Variants in EPN2 observed in about 807,000 individuals in gnomAD.
The protein encoded by EPN2 is epsin-2.
In EPN2, 34 loss-of-function variants were observed where a neutral mutation model predicts 61.7. That is an observed-to-expected ratio of 0.55 (90% CI 0.42 to 0.73). The LOEUF is 0.73. Ranked by LOEUF, EPN2 falls within the 30% of genes least tolerant of loss-of-function variation. The pLI is 0.00. For missense variants in EPN2, 714 were observed against 839.2 expected, an observed-to-expected ratio of 0.85 and a Z score of 1.84; for synonymous variants, 349 against 353.6, an observed-to-expected ratio of 0.99 and a Z score of 0.15.
intron 4 of EPN2, among the ~76,000 whole-genome samples, chr17:19,306,699 C>T (rs924731296): frequency 1.3e-5 from 2 of 152,226 alleles, no homozygotes; most frequent in African/African-American, 4.8e-5. Flanking sequence ...CCACTCTCCC[C>T]CTCCAACCTG....
At chr17:19,249,803 A>G (rs960611671) in intron 1 of EPN2, among the ~76,000 whole-genome samples, 1 of 152,118 alleles carries the variant, frequency 6.6e-6, no homozygotes, top group Non-Finnish European at 1.5e-5. Flanking sequence ...GAAGTCCGAC[A>G]CAGGTCTTAA....
chr17:19,295,502 A>G (rs1256313440), intron 4 of EPN2, among the ~76,000 whole-genome samples: 1 of 152,192 alleles, frequency 6.6e-6, no homozygotes, highest in African/African-American at 2.4e-5. Flanking sequence ...ATTAGACTCC[A>G]GCCTGGGTGA....
Position 19,267,555 on chromosome 17 carries a change from T to TA in EPN2, c.-293-14393dup, listed in dbSNP as rs752709512. Among the ~76,000 whole-genome samples, 150 of 149,870 alleles carry TA rather than the reference T, an allele frequency of 1.0e-3. 1 individual carries two copies. The highest frequency in any genetic ancestry group is 3.3e-3 in the African/African-American group (136 of 40,682). ...AGTAGAGCAGCTTTTTTTTTTTTTT[T>TA]AAAAAAAGACAGAGTTCCACTCTGT... On this transcript the variant is annotated intron_variant, in intron 1 of 10. Transcript: ENST00000314728.
At chr17:19,310,024 G>A (rs752464516) in intron 5 of EPN2, 27 bp downstream of exon 5, 2 of 1,476,254 alleles carry the variant, frequency 1.4e-6, no homozygotes, top group African/African-American at 2.7e-5. Flanking sequence ...GGTCTGCACT[G>A]CATTGACTGC....
chr17:19,329,420 T>C, intron 8 of EPN2, 141 bp from the exon 9 acceptor site: 1 of 615,772 alleles, frequency 1.6e-6, no homozygotes, highest in Non-Finnish European at 2.9e-6. Context: ...CCTCTTTGGC[T>C]CTCAGAATTC....
rs766036876 is a variant in EPN2 at position 19,328,916 on chromosome 17, C to A, written c.1324+29C>A. 38 of 1,588,188 alleles carry A rather than the reference C, an allele frequency of 2.4e-5. No individual in the cohort carries two copies. The East Asian group carries it at 8.6e-4, about 36-fold the overall frequency. On this transcript the variant is annotated intron_variant, in intron 8 of 10. Transcript: ENST00000314728. ...AGCCCCTCACTCACCCACTTTCCTG[C>A]CTGGCCTCTGAGCGCCCACGGGCCC...
intron 4 of EPN2, among the ~76,000 whole-genome samples, chr17:19,309,388 CA>C (rs1223672397): frequency 1.3e-5 from 2 of 152,226 alleles, no homozygotes; most frequent in Non-Finnish European, 2.9e-5. Flanking sequence ...CTCGGCCTCC[CA>C]AAGTGTGAGG....
Position 19,285,681 on chromosome 17 carries a change from G to A in EPN2, c.657G>A (p.Glu219=). The part of the protein sequence containing the change: ...RTGAPLGQSE[E]LQPLSQRHPF... ...GGGCCCCGCTGGGTCAGAGTGAGGA[G>A]CTGCAGCCACTGAGCCAGCGCCACC... The change falls in exon 4 of 11, where the codon GAG becomes GAA. Residue 219 remains glutamate (E), a synonymous_variant. Transcript: ENST00000314728. This position sits in a 1 kb window ranked among gnomAD's most constrained non-coding sequence, Gnocchi z 4.5. The A allele has an allele frequency of 1.3e-6, 2 of 1,583,354 alleles. No homozygotes were observed. Among genetic ancestry groups the A allele is most frequent in the Non-Finnish European group, 1.7e-6 (2 of 1,165,898 alleles).
chr17:19,279,464 A>G (rs1169792750), intron 1 of EPN2, among the ~76,000 whole-genome samples: 31 of 150,142 alleles, frequency 2.1e-4, no homozygotes, highest in Non-Finnish European at 3.8e-4. Flanking sequence ...TTTGAGACAG[A>G]GTCTCACTGT....
chr17:19,262,239 G>A (rs1335366522), intron 1 of EPN2, among the ~76,000 whole-genome samples: 2 of 151,902 alleles, frequency 1.3e-5, no homozygotes, highest in African/African-American at 4.8e-5. Flanking sequence ...AGCACTTTGG[G>A]AGGCCAAGGC....
At chr17:19,286,621 C>T (rs1279343420) in intron 4 of EPN2, among the ~76,000 whole-genome samples, 1 of 152,150 alleles carries the variant, frequency 6.6e-6, no homozygotes, top group Non-Finnish European at 1.5e-5. Flanking sequence ...AGCTTTTGTG[C>T]GACTTCCCTG....
At chr17:19,284,686 A>G (rs894517970) in intron 3 of EPN2, among the ~76,000 whole-genome samples, 4 of 152,246 alleles carry the variant, frequency 2.6e-5, no homozygotes, top group Non-Finnish European at 5.9e-5. Flanking sequence ...GTCAACCCTT[A>G]CTTAGTCAGT....
chr17:19,303,612 T>G (rs982633746), intron 4 of EPN2, among the ~76,000 whole-genome samples: 4 of 152,230 alleles, frequency 2.6e-5, no homozygotes, highest in Non-Finnish European at 5.9e-5. Context: ...TGACGTCACC[T>G]GACAGGCAGC....
intron 1 of EPN2, among the ~76,000 whole-genome samples, chr17:19,245,656 T>C (rs1177855185): frequency 7.3e-5 from 11 of 149,766 alleles, no homozygotes; most frequent in Non-Finnish European, 1.5e-4. Flanking sequence ...AGGATGGTCT[T>C]GATCTCTTTT....
intron 1 of EPN2, among the ~76,000 whole-genome samples, chr17:19,248,712 G>A (rs893704948): frequency 1.3e-5 from 2 of 152,164 alleles, no homozygotes; most frequent in Non-Finnish European, 2.9e-5. Flanking sequence ...TGTTGGCTGG[G>A]AACGCCTGAG....
At chr17:19,332,155 G>A (rs1349807566) in intron 10 of EPN2, 87 bp downstream of exon 10, 2 of 1,013,014 alleles carry the variant, frequency 2.0e-6, no homozygotes, top group Non-Finnish European at 1.5e-6. Context: ...TTCCCACTGT[G>A]TGACGGGGAA....
chr17:19,321,181 AG>A (rs35024301), intron 7 of EPN2, among the ~76,000 whole-genome samples: 2 of 152,186 alleles, frequency 1.3e-5, no homozygotes, highest in African/African-American at 4.8e-5. Context: ...ACAGTATGTC[AG>A]GGGAGCCAGT....
At chr17:19,325,171 A>G (rs1191076522) in intron 7 of EPN2, among the ~76,000 whole-genome samples, 3 of 152,238 alleles carry the variant, frequency 2.0e-5, no homozygotes, top group African/African-American at 7.2e-5. Flanking sequence ...TACTAACAAT[A>G]TTCAAGAAAC....
At chr17:19,296,647 T>TG (rs2045523166) in intron 4 of EPN2, 2 of 152,110 alleles carry the variant, frequency 1.3e-5, no homozygotes, top group South Asian at 4.2e-4. Flanking sequence ...GTCTTGCTGT[T>TG]GCCCAGGCTG....
Sources: gnomAD v4.1 joint callset for allele counts (sites outside exome capture counted in the v4.1 genomes callset) on GRCh38, gnomAD v4.1.1 for gene constraint, Gnocchi (gnomAD v3.1) non-coding constraint, MANE v1.5 for transcripts, NCBI Gene and HGNC (gene_info 2026-07-23, HGNC 2026-07-21) for gene names.